SPATA6: variants seen among roughly 807,000 people sequenced by gnomAD.
SPATA6 encodes spermatogenesis-associated protein 6.
In SPATA6, 56 loss-of-function variants were observed where a neutral mutation model predicts 65.3. The ratio of observed to expected loss-of-function variants is 0.86; its 90% CI spans 0.69 to 1.07. The LOEUF (loss-of-function observed/expected upper bound fraction) is 1.07, where lower values mean the gene tolerates loss of function less well. SPATA6 is among the 50% of genes least tolerant of loss of function. The pLI is 0.00. For missense variants in SPATA6, 590 were observed against 594.8 expected, an observed-to-expected ratio of 0.99 and a Z score of 0.08; for synonymous variants, 199 against 213.2, an observed-to-expected ratio of 0.93 and a Z score of 0.58.
chr1:48,442,468 AGAG>A (rs1319948904), intron 3 of SPATA6, among the ~76,000 whole-genome samples: 3 of 151,958 alleles, frequency 2.0e-5, no homozygotes, highest in South Asian at 2.1e-4. Context: ...AGGGAAGGAG[AGAG>A]GAGAACAGCA....
At chr1:48,365,971 A>C (rs1646994306) in intron 9 of SPATA6, among the ~76,000 whole-genome samples, 1 of 152,258 alleles carries the variant, frequency 6.6e-6, no homozygotes, top group South Asian at 2.1e-4. Context: ...ACGTCCCATC[A>C]ATACCTAATC....
chr1:48,355,777 C>A lies in SPATA6; in HGVS notation c.1095-8G>T. 6.2e-7 allele frequency: 1 copy of A among 1,602,326 alleles called. No individual in the cohort carries two copies. Among genetic ancestry groups the A allele is most frequent in the Non-Finnish European group, 8.5e-7 (1 of 1,173,896 alleles). ...CACCAATCAGAATGAAATCTGTAGGCAAAAAATAAGTTTTATTTTTGTTAC... is the reference window on the plus strand; with the variant it reads ...CACCAATCAGAATGAAATCTGTAGGAAAAAAATAAGTTTTATTTTTGTTAC... On this transcript the variant is annotated splice_region_variant and splice_polypyrimidine_tract_variant and intron_variant, in intron 10 of 12. Transcript: ENST00000371847.
At chr1:48,285,148 A>G in the SPATA6 span, among the ~76,000 whole-genome samples, 4 of 152,240 alleles carry the variant, frequency 2.6e-5, no homozygotes, top group East Asian at 5.8e-4. Flanking sequence ...GAATCTGGAG[A>G]GGCACTCTGG....
chr1:48,329,601 T>C (rs1645857225), intron 11 of SPATA6, among the ~76,000 whole-genome samples: 1 of 152,238 alleles, frequency 6.6e-6, no homozygotes, highest in South Asian at 2.1e-4. Context: ...GGGGCCAATA[T>C]GGCAGACTAG....
intron 9 of SPATA6, among the ~76,000 whole-genome samples, chr1:48,365,629 T>A (rs924216763): frequency 2.0e-5 from 3 of 152,178 alleles, no homozygotes; most frequent in Non-Finnish European, 2.9e-5. Flanking sequence ...TTCTTGTGAT[T>A]TTTGTACATT....
intron 9 of SPATA6, among the ~76,000 whole-genome samples, chr1:48,369,144 C>G (rs1358706488): frequency 6.6e-6 from 1 of 152,136 alleles, no homozygotes; most frequent in Non-Finnish European, 1.5e-5. Context: ...CCTGATCGGT[C>G]CTCTGGAAGT....
At chr1:48,311,439 T>C (rs1486172233) in intron 11 of SPATA6, among the ~76,000 whole-genome samples, 1 of 152,138 alleles carries the variant, frequency 6.6e-6, no homozygotes, top group Non-Finnish European at 1.5e-5. Flanking sequence ...TAGAATTGTC[T>C]AGAATGGTAT....
rs190693948 is a variant in SPATA6, at chr1:48,296,056, G to T, written c.*2657C>A. On this transcript the variant is annotated 3_prime_UTR_variant, in exon 13 of 13. Coordinates refer to ENST00000371847, the MANE Select transcript of SPATA6 (RefSeq NM_019073.4). ...TTTTGACATTTTTCTAAATCCCAAG[G>T]TTTTTTATGATTTAAAGAAAAAAAT... 4 of 151,402 alleles carry T rather than the reference G, an allele frequency of 2.6e-5. No individual in the cohort carries two copies. The allele number at this position is 151,402 out of a possible 1,614,324, so 9.4% of individuals were successfully genotyped here.
intron 11 of SPATA6, among the ~76,000 whole-genome samples, chr1:48,308,358 G>A (rs545549098): frequency 1.3e-5 from 2 of 152,054 alleles, no homozygotes; most frequent in East Asian, 3.9e-4. Flanking sequence ...CATGTTTACA[G>A]TCCCTCCCCT....
At chr1:48,336,267 T>C (rs950104167) in intron 11 of SPATA6, among the ~76,000 whole-genome samples, 6 of 152,062 alleles carry the variant, frequency 3.9e-5, no homozygotes, top group African/African-American at 1.4e-4. Context: ...AACCCAGCAA[T>C]CCCATGCCTG....
At position 48,431,902 on chromosome 1, in the gene SPATA6, C is replaced by T. The variant is rs149857469; in HGVS notation, c.239-18751G>A. Among the ~76,000 whole-genome samples, 280 of 152,144 alleles carry T rather than the reference C, an allele frequency of 1.8e-3. 2 individuals are homozygous for T. Among genetic ancestry groups the T allele is most frequent in the African/African-American group, 6.6e-3 (272 of 41,498 alleles). On this transcript the variant is annotated intron_variant, in intron 3 of 12. Transcript: ENST00000371847. ...AAGGTGGGTGGATTGTTTGAGTTCA[C>T]GAGCTCGAGACAGCCTGGGCAACAT...
chr1:48,278,717 G>A, the SPATA6 span, among the ~76,000 whole-genome samples: 1 of 152,210 alleles, frequency 6.6e-6, no homozygotes, highest in African/African-American at 2.4e-5. Flanking sequence ...TGGCGTACCT[G>A]AAACTGACGG....
At chr1:48,281,284 T>C in the SPATA6 span, among the ~76,000 whole-genome samples, 1 of 151,136 alleles carries the variant, frequency 6.6e-6, no homozygotes, top group Non-Finnish European at 1.5e-5. Context: ...AAGACAGGGA[T>C]GCCCTCTCTC....
rs1446707254 is a variant in SPATA6, at chr1:48,298,669, T to G, written c.*44A>C. The G allele has an allele frequency of 6.5e-7, 1 of 1,536,990 alleles. No individual in the cohort carries two copies. The highest frequency in any genetic ancestry group is 2.3e-5 in the East Asian group (1 of 44,056). On this transcript the variant is annotated 3_prime_UTR_variant, in exon 13 of 13. Coordinates refer to ENST00000371847, the MANE Select transcript of SPATA6 (RefSeq NM_019073.4). ...TATTGATCACATCAAACATTTTCAT[T>G]GAGAAATTGACACGGACACTAATGA...
chr1:48,291,653 T>A (rs980634859), downstream of SPATA6, among the ~76,000 whole-genome samples: 3 of 152,178 alleles, frequency 2.0e-5, no homozygotes, highest in Non-Finnish European at 4.4e-5. Flanking sequence ...GGCTGAGAAC[T>A]TGCCCCAGGC....
At chr1:48,359,853 T>G in intron 9 of SPATA6, 83 bp from the exon 10 acceptor site, 3 of 1,088,952 alleles carry the variant, frequency 2.8e-6, no homozygotes, top group Non-Finnish European at 2.5e-6. Context: ...ATAGTATGCA[T>G]AGTAGTCATA....
intron 9 of SPATA6, among the ~76,000 whole-genome samples, chr1:48,377,954 T>G (rs1384143480): frequency 6.6e-6 from 1 of 152,108 alleles, no homozygotes; most frequent in Admixed American, 6.5e-5. Context: ...AGAAACAGAT[T>G]TGGCTTCTCC....
chr1:48,458,753 G>A (rs187340005), intron 1 of SPATA6, among the ~76,000 whole-genome samples: 9 of 152,242 alleles, frequency 5.9e-5, no homozygotes, highest in East Asian at 1.9e-4. Context: ...CTACAGATAC[G>A]GGAATTAGAT....
chr1:48,457,671 G>A (rs1557732806), intron 1 of SPATA6, among the ~76,000 whole-genome samples: 1 of 152,032 alleles, frequency 6.6e-6, no homozygotes, highest in Non-Finnish European at 1.5e-5. Context: ...CAAAAAGGAA[G>A]TAAAACTAAG....
Sources: allele counts gnomAD v4.1 joint callset (sites outside exome capture counted in the v4.1 genomes callset), GRCh38; gene constraint gnomAD v4.1.1; transcripts MANE v1.5; gene names NCBI Gene and HGNC (gene_info 2026-07-23, HGNC 2026-07-21).